CBLB: variants seen among roughly 807,000 people sequenced by gnomAD.
The protein encoded by CBLB is Cbl proto-oncogene B.
A neutral mutation model predicts 104.9 loss-of-function variants in CBLB; 31 were observed. The observed-to-expected ratio is 0.30, with a 90% confidence interval of 0.22 to 0.40. The LOEUF (loss-of-function observed/expected upper bound fraction) is 0.40. Among genes scored for constraint, CBLB ranks in the 10% least tolerant of loss-of-function variants. The pLI is 1.00. For missense variants in CBLB, 1,062 were observed against 1,214.6 expected (o/e 0.87, Z 1.87); for synonymous variants, 440 against 422.6 (o/e 1.04, Z -0.51).
chr3:105,759,951 G>T (rs6437612), intron 4 of CBLB, among the ~76,000 whole-genome samples: 3 of 152,062 alleles, frequency 2.0e-5, no homozygotes, highest in African/African-American at 4.8e-5. Context: ...CACTCCAGAT[G>T]GGCAGCTGGG....
At chr3:105,768,875 G>C (rs1464627497) in intron 4 of CBLB, among the ~76,000 whole-genome samples, 1 of 152,120 alleles carries the variant, frequency 6.6e-6, no homozygotes, top group Non-Finnish European at 1.5e-5. Flanking sequence ...CAGATGAAAA[G>C]AAAGAGGGAA....
rs948780903 is a variant in CBLB at position 105,678,334 on chromosome 3, G to A, written c.2569+97C>T. ...AGGGATTTTTCTGTTCTGCTAGGGAGGTAGAGACTAATGAATCACTAACAT... is the reference window on the plus strand; with the variant it reads ...AGGGATTTTTCTGTTCTGCTAGGGAAGTAGAGACTAATGAATCACTAACAT... On this transcript the variant is annotated intron_variant, in intron 17 of 18. Coordinates refer to ENST00000394030, the MANE Select transcript of CBLB (RefSeq NM_170662.5). 125 of 1,203,560 alleles carry A rather than the reference G, an allele frequency of 1.0e-4. No homozygotes were observed. The Middle Eastern group carries it at 1.6e-3, about 15-fold the overall frequency. 74.6% of individuals were successfully genotyped at this position (1,203,560 alleles called of 1,614,324 possible). A position where few individuals can be genotyped will look rare whatever the true frequency, so the allele number is the denominator to read the frequency against.
intron 3 of CBLB, among the ~76,000 whole-genome samples, chr3:105,801,669 C>T (rs1056569754): frequency 2.0e-5 from 3 of 152,242 alleles, no homozygotes; most frequent in African/African-American, 4.8e-5. Context: ...CCTTGCCCAC[C>T]GCCCATTTTG....
intron 14 of CBLB, 106 bp from the exon 15 acceptor site, chr3:105,681,924 A>G: frequency 1.4e-6 from 1 of 713,418 alleles, no homozygotes; most frequent in Non-Finnish European, 2.4e-6. Context: ...ATAAAGTTTG[A>G]ACATATATTT....
At chr3:105,809,678 C>T (rs2084010527) in intron 3 of CBLB, among the ~76,000 whole-genome samples, 1 of 152,012 alleles carries the variant, frequency 6.6e-6, no homozygotes, top group Admixed American at 6.6e-5. Context: ...ATGTATAAAC[C>T]CCAAGCTGCC....
At chr3:105,815,683 A>C (rs369238488) in intron 3 of CBLB, among the ~76,000 whole-genome samples, 1 of 152,176 alleles carries the variant, frequency 6.6e-6, no homozygotes, top group Non-Finnish European at 1.5e-5. Context: ...TTGACCCCAT[A>C]ATCCCATTAC....
At chr3:105,683,931 A>C (rs1176409336) in intron 14 of CBLB, among the ~76,000 whole-genome samples, 1 of 152,248 alleles carries the variant, frequency 6.6e-6, no homozygotes, top group South Asian at 2.1e-4. Flanking sequence ...GTCACTTATT[A>C]AGACAGACAT....
intron 4 of CBLB, among the ~76,000 whole-genome samples, chr3:105,762,773 C>T (rs1489337459): frequency 6.6e-6 from 1 of 152,182 alleles, no homozygotes; most frequent in Non-Finnish European, 1.5e-5. Flanking sequence ...CTGAAGCCCC[C>T]ACACAGAGTC....
intron 12 of CBLB, among the ~76,000 whole-genome samples, chr3:105,700,088 C>G (rs1167211540): frequency 6.6e-6 from 1 of 152,018 alleles, no homozygotes; most frequent in South Asian, 2.1e-4. Context: ...TGAAAGTTCA[C>G]ACAGAAATAT....
chr3:105,719,819 A>G (rs903786744), intron 10 of CBLB, among the ~76,000 whole-genome samples: 3 of 152,150 alleles, frequency 2.0e-5, no homozygotes, highest in Admixed American at 6.5e-5. Flanking sequence ...ATCATAGGAG[A>G]TGACAGCTCC....
chr3:105,869,388 T>A, upstream of CBLB: 1 of 1,341,506 alleles, frequency 7.5e-7, no homozygotes, highest in African/African-American at 1.5e-5. Flanking sequence ...GCCAAAGCCA[T>A]CTGGGGCTGA....
chr3:105,684,615 C>A (rs536541938), intron 14 of CBLB, among the ~76,000 whole-genome samples: 22 of 151,648 alleles, frequency 1.5e-4, no homozygotes, highest in African/African-American at 3.9e-4. Context: ...TGCAGTGGCA[C>A]AATCTCGGCT....
chr3:105,723,979 ATATG>A (rs1286932849), intron 9 of CBLB: 4 of 158,312 alleles, frequency 2.5e-5, no homozygotes, highest in East Asian at 1.5e-4. Flanking sequence ...ATGTGTATGC[ATATG>A]TATGTATTTT....
At chr3:105,738,495 T>C (rs1426629832) in intron 7 of CBLB, among the ~76,000 whole-genome samples, 1 of 152,042 alleles carries the variant, frequency 6.6e-6, no homozygotes, top group Non-Finnish European at 1.5e-5. Context: ...TAAGCAACTT[T>C]TTTATATACC....
At chr3:105,860,455 A>C (rs2091996356) in intron 2 of CBLB, among the ~76,000 whole-genome samples, 1 of 152,078 alleles carries the variant, frequency 6.6e-6, no homozygotes, top group Non-Finnish European at 1.5e-5. Flanking sequence ...AGTGTGCTTC[A>C]CTCTTCATAC....
chr3:105,742,578 G>A (rs903986265), intron 6 of CBLB, among the ~76,000 whole-genome samples: 7 of 151,724 alleles, frequency 4.6e-5, no homozygotes, highest in South Asian at 2.1e-4. Flanking sequence ...AGAGACCTAC[G>A]GCTATGATAT....
chr3:105,764,777 G>A (rs1271821894), intron 4 of CBLB, among the ~76,000 whole-genome samples: 4 of 152,200 alleles, frequency 2.6e-5, no homozygotes, highest in Non-Finnish European at 5.9e-5. Context: ...GAAAGGAGAA[G>A]TTCATGAAGG....
intron 3 of CBLB, among the ~76,000 whole-genome samples, chr3:105,843,995 G>C (rs943280234): frequency 6.6e-6 from 1 of 152,118 alleles, no homozygotes; most frequent in Non-Finnish European, 1.5e-5. Context: ...TAGCATCTTT[G>C]CAGCTGTAAT....
intron 2 of CBLB, among the ~76,000 whole-genome samples, chr3:105,855,906 A>T (rs984722662): frequency 6.6e-6 from 1 of 152,174 alleles, no homozygotes; most frequent in African/African-American, 2.4e-5. Flanking sequence ...GTTTCAGGGG[A>T]CATAAAACAT....
Sources: gnomAD v4.1 joint callset for allele counts (sites outside exome capture counted in the v4.1 genomes callset) on GRCh38, gnomAD v4.1.1 for gene constraint, MANE v1.5 for transcripts, NCBI Gene and HGNC (gene_info 2026-07-23, HGNC 2026-07-21) for gene names.